Variants in OTOG observed in about 807,000 individuals in gnomAD.
OTOG encodes the protein otogelin.
A neutral mutation model predicts 313.8 loss-of-function variants in OTOG; 296 were observed. The observed-to-expected ratio is 0.94, with a 90% CI of 0.86 to 1.04. The LOEUF (loss-of-function observed/expected upper bound fraction) is 1.04, where lower values mean the gene tolerates loss of function less well. Among genes scored for constraint, OTOG ranks in the 50% least tolerant of loss-of-function variants. OTOG has a pLI of 0.00. For synonymous variants in OTOG, 1,533 were observed against 1,554.9 expected, an observed-to-expected ratio of 0.99 and a Z score of 0.33; for missense variants, 3,948 against 3,840.1, an observed-to-expected ratio of 1.03 and a Z score of -0.74.
chr11:17,633,608 G>A lies in OTOG; in HGVS notation c.7073-72G>A, dbSNP rs117720833. ...CTGAGCCCTCTCCTCATCCCCTCCT[G>A]TTCTTTCGGCCCTCAGTGGGGAGCC... On this transcript the variant is annotated intron_variant, in intron 42 of 55. Coordinates refer to ENST00000399397, the MANE Select transcript of OTOG (RefSeq NM_001292063.2). The A allele has an allele frequency of 2.8e-4, 393 of 1,392,116 alleles. 1 individual carries two copies. In the East Asian group the frequency reaches 7.6e-3, roughly 27 times the overall value. The allele number at this position is 1,392,116 out of a possible 1,614,324, so 86.2% of individuals were successfully genotyped here. A position where few individuals can be genotyped will look rare whatever the true frequency, so the allele number is the denominator to read the frequency against.
intron 6 of OTOG, among the ~76,000 whole-genome samples, chr11:17,555,287 A>G (rs1490124762): frequency 6.6e-6 from 1 of 151,752 alleles, no homozygotes; most frequent in Non-Finnish European, 1.5e-5. Flanking sequence ...GAAAGTTACA[A>G]TCTGTACCTG....
Position 17,586,513 on chromosome 11 carries a change from G to A in OTOG, c.2799G>A (p.Glu933=). The change falls in exon 24 of 56, where the codon GAG becomes GAA. Residue 933 remains glutamate, a synonymous_variant. Transcript: ENST00000399397. ...RHGDACFLPE[E]CPCTWKGKEY... ...GGGATGCATGTTTCCTGCCAGAGGA[G>A]TGCCCCTGCACTTGGAAGGGGAAGG... 2.8e-6 allele frequency: 4 copies of A among 1,451,250 alleles called. No individual in the cohort carries two copies. Among genetic ancestry groups the A allele is most frequent in the South Asian group, 1.5e-5 (1 of 67,732 alleles). The allele number at this position is 1,451,250 out of a possible 1,614,324, so 89.9% of individuals were successfully genotyped here.
chr11:17,632,009 T>C, intron 41 of OTOG, 79 bp from the exon 42 acceptor site: 7 of 1,540,900 alleles, frequency 4.5e-6, no homozygotes, highest in Non-Finnish European at 6.1e-6. Context: ...CATTGTTCCT[T>C]TTGGGCAGGG....
At chr11:17,615,196 A>G (rs986391406) in intron 39 of OTOG, among the ~76,000 whole-genome samples, 1 of 152,226 alleles carries the variant, frequency 6.6e-6, no homozygotes, top group African/African-American at 2.4e-5. Context: ...TCTTTTGCAC[A>G]TTTTAAAGAT....
intron 6 of OTOG, among the ~76,000 whole-genome samples, chr11:17,554,934 G>T (rs1176047900): frequency 9.9e-5 from 15 of 152,158 alleles, no homozygotes; most frequent in Admixed American, 9.8e-4. Context: ...AAAATTTTTA[G>T]TTATATATAT....
intron 24 of OTOG, among the ~76,000 whole-genome samples, chr11:17,588,437 T>G (rs979696076): frequency 2.6e-5 from 4 of 152,132 alleles, no homozygotes; most frequent in African/African-American, 9.7e-5. Flanking sequence ...GGCAGCATGG[T>G]CGGCAGCATG....
intron 15 of OTOG, among the ~76,000 whole-genome samples, chr11:17,563,863 T>TG (rs1852245463): frequency 6.7e-6 from 1 of 148,644 alleles, no homozygotes; most frequent in African/African-American, 2.5e-5. Flanking sequence ...GGTTTTTTTT[T>TG]TTTTTTTTTT....
rs767555421 is a variant in OTOG at position 17,558,257 on chromosome 11, C to T, written c.938C>T (p.Pro313Leu). The stretch of plus-strand genomic sequence containing the variant: ...CAGGCCCCTAACCAGCCTCCAGGGC[C>T]CACAACTTCCTCCCTGCCTCGCCCA... ...QEQAPNQPPG[P>L]TTSSLPRPPC... The change falls in exon 9 of 56, where the codon CCC becomes CTC. Residue 313 changes from proline to leucine, a missense_variant. Pro to Leu is a moderately conservative substitution (Grantham distance 98). Transcript: ENST00000399397. 21 of 1,550,596 alleles carry T rather than the reference C, an allele frequency of 1.4e-5. No homozygotes were observed. The South Asian group carries it at 2.0e-4, about 15-fold the overall frequency.
chr11:17,635,781 C>T (rs1261620474), intron 47 of OTOG, 70 bp downstream of exon 47: 2 of 1,283,072 alleles, frequency 1.6e-6, no homozygotes, highest in African/African-American at 3.0e-5. Context: ...CACCCCGGAC[C>T]AATGGGGGTT....
intron 34 of OTOG, among the ~76,000 whole-genome samples, chr11:17,608,727 T>C (rs549960504): frequency 1.3e-5 from 2 of 152,318 alleles, no homozygotes; most frequent in African/African-American, 4.8e-5. Flanking sequence ...CACTGATTTT[T>C]GTGGGAGTCT....
intron 49 of OTOG, among the ~76,000 whole-genome samples, chr11:17,640,193 C>G (rs1847941000): frequency 6.6e-6 from 1 of 152,062 alleles, no homozygotes; most frequent in South Asian, 2.1e-4. Flanking sequence ...CTCACAACAA[C>G]CCTGTGAGGT....
chr11:17,564,025 T>C (rs866131514), intron 15 of OTOG, among the ~76,000 whole-genome samples: 1 of 152,170 alleles, frequency 6.6e-6, no homozygotes, highest in African/African-American at 2.4e-5. Context: ...ATGTCTCTGA[T>C]AGGCTGTGGG....
At chr11:17,549,557 G>T (rs910403953) in intron 3 of OTOG, among the ~76,000 whole-genome samples, 1 of 152,204 alleles carries the variant, frequency 6.6e-6, no homozygotes, top group African/African-American at 2.4e-5. Flanking sequence ...ATTGAGGTGG[G>T]TGGATGACTT....
At chr11:17,556,835 C>T (rs1852066128) in intron 7 of OTOG, among the ~76,000 whole-genome samples, 1 of 152,170 alleles carries the variant, frequency 6.6e-6, no homozygotes. Context: ...AAAAATAAAG[C>T]AGATGTTTGT....
chr11:17,606,275 C>A, intron 33 of OTOG, 140 bp downstream of exon 33: 2 of 1,162,258 alleles, frequency 1.7e-6, no homozygotes, highest in Non-Finnish European at 2.3e-6. Context: ...CACATGGGTG[C>A]CACCCTGAGA....
chr11:17,597,568 G>A (rs572106485), intron 30 of OTOG, among the ~76,000 whole-genome samples: 86 of 152,246 alleles, frequency 5.6e-4, no homozygotes, highest in African/African-American at 2.1e-3. Context: ...GCTTTTCATT[G>A]CACACACCTA....
intron 15 of OTOG, among the ~76,000 whole-genome samples, chr11:17,563,447 C>T (rs555089961): frequency 1.3e-5 from 2 of 152,326 alleles, no homozygotes; most frequent in African/African-American, 4.8e-5. Context: ...GAGGACTGGT[C>T]TTTCTTCTCC....
intron 32 of OTOG, among the ~76,000 whole-genome samples, chr11:17,602,914 AG>A (rs1000251680): frequency 6.6e-6 from 1 of 152,124 alleles, no homozygotes; most frequent in Non-Finnish European, 1.5e-5. Context: ...AACACGGGGG[AG>A]GGGGCCCCCA....
In OTOG at chr11:17,610,518, C is replaced by T. The variant is rs1362544675; in HGVS notation, c.5218C>T (p.Pro1740Ser). ...CCAGCCCATGGGCTCGCCTGCCTCC[C>T]CACAGCCACACCCACTCCCCTCTGC... Reference protein sequence around the residue: ...HSQPMGSPASPQPHPLPSAPP... With the variant: ...HSQPMGSPASSQPHPLPSAPP... Residue 1740 changes from proline (P) to serine (S), a missense_variant, in exon 36 of 56, where the codon CCA (proline) becomes TCA (serine). Transcript: ENST00000399397. 1 of 1,550,642 alleles carries T rather than the reference C, an allele frequency of 6.4e-7. No homozygotes were observed. The highest frequency in any genetic ancestry group is 2.0e-5 in the Admixed American group (1 of 51,008).
Sources: allele counts gnomAD v4.1 joint callset (sites outside exome capture counted in the v4.1 genomes callset), GRCh38; gene constraint gnomAD v4.1.1; transcripts MANE v1.5; gene names NCBI Gene and HGNC (gene_info 2026-07-23, HGNC 2026-07-21).